Variants in KLF12 observed in about 807,000 individuals in gnomAD.
KLF12 encodes KLF transcription factor 12.
A neutral mutation model predicts 37.8 loss-of-function variants in KLF12; 9 were observed. That is an observed-to-expected ratio of 0.24 (90% CI 0.14 to 0.42). The LOEUF (loss-of-function observed/expected upper bound fraction) is 0.42. Ranked by LOEUF, KLF12 falls within the 10% of genes least tolerant of loss-of-function variation. KLF12 has a pLI of 1.00. For missense variants in KLF12, 411 were observed against 516.0 expected (o/e 0.80, Z 1.97); for synonymous variants, 208 against 202.1 (o/e 1.03, Z -0.25).
intron 3 of KLF12, among the ~76,000 whole-genome samples, chr13:73,909,721 C>T (rs144074877): frequency 3.3e-4 from 51 of 152,266 alleles, no homozygotes; most frequent in African/African-American, 1.2e-3. Context: ...AACAAACTTA[C>T]GTTTGTTTAA....
chr13:73,686,424 T>C lies in KLF12; in HGVS notation c.*9066A>G, dbSNP rs1275311696. The C allele has an allele frequency of 1.3e-5, 2 of 152,626 alleles. No individual in the cohort carries two copies. Among genetic ancestry groups the C allele is most frequent in the African/African-American group, 4.8e-5 (2 of 41,456 alleles). The allele number at this position is 152,626 out of a possible 1,614,324, so 9.5% of individuals were successfully genotyped here. A position where few individuals can be genotyped will look rare whatever the true frequency, so the allele number is the denominator to read the frequency against. Reference sequence around the variant, plus strand: ...GAGTATATTTACAATACATACACTATACATAAATACAAGAACAACACTTAC... The same window carrying C: ...GAGTATATTTACAATACATACACTACACATAAATACAAGAACAACACTTAC... On this transcript the variant is annotated 3_prime_UTR_variant, in exon 8 of 8. Coordinates refer to ENST00000377669, the MANE Select transcript of KLF12 (RefSeq NM_007249.5).
chr13:73,797,561 C>T (rs561401547), intron 5 of KLF12, among the ~76,000 whole-genome samples: 4 of 152,012 alleles, frequency 2.6e-5, no homozygotes, highest in South Asian at 2.1e-4. Context: ...CTTGAGGCCA[C>T]GATTTCGAGA....
At chr13:74,117,444 T>C (rs1877374567) in intron 1 of KLF12, among the ~76,000 whole-genome samples, 1 of 152,080 alleles carries the variant, frequency 6.6e-6, no homozygotes, top group African/African-American at 2.4e-5. Flanking sequence ...ATGTAAGATA[T>C]ATACGCATGT....
At chr13:73,941,910 T>C (rs1890203772) in intron 3 of KLF12, among the ~76,000 whole-genome samples, 1 of 151,956 alleles carries the variant, frequency 6.6e-6, no homozygotes, top group Non-Finnish European at 1.5e-5. Flanking sequence ...AATACCAACA[T>C]CAGCTCCACT....
At chr13:74,205,880 T>C in the KLF12 span, among the ~76,000 whole-genome samples, 2 of 152,012 alleles carry the variant, frequency 1.3e-5, no homozygotes, top group Non-Finnish European at 2.9e-5. Context: ...GGAGAGAAAA[T>C]TGATGAATAT....
intron 6 of KLF12, among the ~76,000 whole-genome samples, chr13:73,729,812 T>C (rs1876928056): frequency 6.6e-6 from 1 of 152,146 alleles, no homozygotes; most frequent in Non-Finnish European, 1.5e-5. Flanking sequence ...TTTCTGTAAG[T>C]TCACCATAGG....
At chr13:73,803,903 C>T (rs1882424023) in intron 5 of KLF12, among the ~76,000 whole-genome samples, 1 of 152,150 alleles carries the variant, frequency 6.6e-6, no homozygotes, top group African/African-American at 2.4e-5. Context: ...GTAAATGGCA[C>T]ACTTTGGGGT....
At chr13:73,890,642 C>A (rs762716030) in intron 3 of KLF12, among the ~76,000 whole-genome samples, 6 of 151,848 alleles carry the variant, frequency 4.0e-5, no homozygotes, top group Non-Finnish European at 8.8e-5. Context: ...TAGGCCCCAG[C>A]AGACTAGACC....
At chr13:74,190,005 T>C in the KLF12 span, among the ~76,000 whole-genome samples, 1 of 152,188 alleles carries the variant, frequency 6.6e-6, no homozygotes, top group African/African-American at 2.4e-5. Context: ...TATTGAGTAA[T>C]ATTATTTTTC....
chr13:73,938,312 T>C (rs1229610928), intron 3 of KLF12, among the ~76,000 whole-genome samples: 1 of 152,190 alleles, frequency 6.6e-6, no homozygotes, highest in East Asian at 1.9e-4. Flanking sequence ...TTGGGTTTTT[T>C]CCCCCTAATG....
At chr13:73,856,856 G>A (rs1198667328) in intron 3 of KLF12, among the ~76,000 whole-genome samples, 2 of 151,852 alleles carry the variant, frequency 1.3e-5, no homozygotes, top group Non-Finnish European at 2.9e-5. Context: ...GTGTGGTGGC[G>A]TTTGCCTGTA....
the KLF12 span, among the ~76,000 whole-genome samples, chr13:74,179,546 G>A: frequency 6.6e-6 from 1 of 152,142 alleles, no homozygotes; most frequent in Non-Finnish European, 1.5e-5. Context: ...TGAAAAATTA[G>A]GCTATACGTT....
intron 5 of KLF12, chr13:73,800,229 C>G (rs554822099): frequency 6.6e-6 from 1 of 151,974 alleles, no homozygotes; most frequent in African/African-American, 2.4e-5. Context: ...CAAAACAAAA[C>G]GGCATTCCTG....
At chr13:73,789,280 C>G (rs1881524446) in intron 5 of KLF12, among the ~76,000 whole-genome samples, 1 of 152,188 alleles carries the variant, frequency 6.6e-6, no homozygotes, top group Non-Finnish European at 1.5e-5. Context: ...TCCATGTTAT[C>G]TGGACTTCAC....
chr13:74,255,871 T>A, the KLF12 span, among the ~76,000 whole-genome samples: 1 of 152,168 alleles, frequency 6.6e-6, no homozygotes. Flanking sequence ...AAGTCAGGAA[T>A]GAGGCCGGGC....
chr13:73,813,843 C>T (rs1008756082), intron 4 of KLF12, among the ~76,000 whole-genome samples: 3 of 152,204 alleles, frequency 2.0e-5, no homozygotes, highest in African/African-American at 7.2e-5. Context: ...GATTTGAAGG[C>T]ATAAAAATGG....
chr13:73,834,275 T>C (rs1417501352), intron 4 of KLF12, among the ~76,000 whole-genome samples: 1 of 152,094 alleles, frequency 6.6e-6, no homozygotes, highest in Admixed American at 6.6e-5. Flanking sequence ...TATCTTTCTC[T>C]CCCCAAAGAA....
chr13:74,156,615 C>T, the KLF12 span, among the ~76,000 whole-genome samples: 2 of 151,922 alleles, frequency 1.3e-5, no homozygotes, highest in Non-Finnish European at 2.9e-5. Context: ...CCACGCCCAC[C>T]CCCAAACCCC....
chr13:73,928,279 G>C (rs1312465044), intron 3 of KLF12, among the ~76,000 whole-genome samples: 5 of 152,176 alleles, frequency 3.3e-5, no homozygotes, highest in African/African-American at 1.2e-4. Flanking sequence ...TTAGCTAAAG[G>C]TTAAGTGTTA....
Sources: allele counts gnomAD v4.1 joint callset (sites outside exome capture counted in the v4.1 genomes callset), GRCh38; gene constraint gnomAD v4.1.1; transcripts MANE v1.5; gene names NCBI Gene and HGNC (gene_info 2026-07-23, HGNC 2026-07-21).